EVC2: variants seen among roughly 807,000 people sequenced by gnomAD.
EVC2 encodes limbin.
Under a neutral mutation model 149.3 loss-of-function variants are expected in EVC2, and 148 were observed. The ratio of observed to expected loss-of-function variants is 0.99; its 90% CI spans 0.87 to 1.14. EVC2 has a LOEUF of 1.14. Among genes scored for constraint, EVC2 ranks in the 50% most tolerant of loss-of-function variants. The pLI, the probability that EVC2 is intolerant of heterozygous loss-of-function variation, is 0.00. For synonymous variants in EVC2, 776 were observed against 649.9 expected (o/e 1.19, Z -2.95); for missense variants, 1,854 against 1,627.3 (o/e 1.14, Z -2.40).
At chr4:5,532,072 G>A in the EVC2 span, among the ~76,000 whole-genome samples, 1 of 152,092 alleles carries the variant, frequency 6.6e-6, no homozygotes, top group Non-Finnish European at 1.5e-5. Flanking sequence ...TTGATCTGCA[G>A]TTGGTTGAAT....
At chr4:5,584,950 G>A in intron 16 of EVC2, 100 bp from the exon 17 acceptor site, 1 of 1,302,414 alleles carries the variant, frequency 7.7e-7, no homozygotes, top group Non-Finnish European at 1.1e-6. Context: ...CTGGGATTCT[G>A]AGGACCACCA....
At chr4:5,599,022 T>C (rs1424395805) in intron 16 of EVC2, among the ~76,000 whole-genome samples, 2 of 151,958 alleles carry the variant, frequency 1.3e-5, no homozygotes, top group East Asian at 1.9e-4. Flanking sequence ...CAAAATGAGA[T>C]ACCATCTCAC....
In EVC2 at chr4:5,594,029, C is replaced by T. The variant is rs552408593; in HGVS notation, c.2830-9179G>A. Among the ~76,000 whole-genome samples, 437 of 152,318 alleles carry T rather than the reference C, an allele frequency of 2.9e-3. 3 individuals are homozygous for T. Among genetic ancestry groups the T allele is most frequent in the African/African-American group, 0.01 (427 of 41,582 alleles). On this transcript the variant is annotated intron_variant, in intron 16 of 21. Transcript: ENST00000344408. ...AGCGAGGCTGGGGGAGGGGTGCCCGCCATTGCCCAGGCTTGCTTAGGTAAA... is the reference window on the plus strand; with the variant it reads ...AGCGAGGCTGGGGGAGGGGTGCCCGTCATTGCCCAGGCTTGCTTAGGTAAA...
At position 5,622,131 on chromosome 4, in the gene EVC2, C is replaced by T. The variant is rs1715731125; in HGVS notation, c.2501+406G>A. On this transcript the variant is annotated intron_variant, in intron 14 of 21. Coordinates refer to ENST00000344408, the MANE Select transcript of EVC2 (RefSeq NM_147127.5). This position sits in a 1 kb window ranked among gnomAD's most constrained non-coding sequence, Gnocchi z 5.8. ...ATGGCCTAACCGCAAGCTCCCCTTCCCCCTCTGCTCCTGTGGATCATGTCC... is the reference window on the plus strand; with the variant it reads ...ATGGCCTAACCGCAAGCTCCCCTTCTCCCTCTGCTCCTGTGGATCATGTCC... Among the ~76,000 whole-genome samples the T allele has an allele frequency of 6.6e-6, 1 of 152,072 alleles. No homozygotes were observed. The highest frequency in any genetic ancestry group is 2.4e-5 in the African/African-American group (1 of 41,416).
chr4:5,533,374 C>T, the EVC2 span, among the ~76,000 whole-genome samples: 1 of 152,118 alleles, frequency 6.6e-6, no homozygotes, highest in African/African-American at 2.4e-5. Flanking sequence ...GCTCAAGGAA[C>T]AGCAAGGGCA....
chr4:5,551,694 G>A (rs1268618717), intron 21 of EVC2, among the ~76,000 whole-genome samples: 1 of 152,146 alleles, frequency 6.6e-6, no homozygotes, highest in Non-Finnish European at 1.5e-5. Flanking sequence ...GGGGCCAGGG[G>A]AATGATTATG....
At chr4:5,664,982 A>G (rs1164737926) in intron 8 of EVC2, among the ~76,000 whole-genome samples, 5 of 143,688 alleles carry the variant, frequency 3.5e-5, no homozygotes, top group African/African-American at 1.3e-4. Context: ...TGTGGGTGAC[A>G]GGATGCATGT....
At chr4:5,550,253 G>A (rs1721711019) in intron 21 of EVC2, among the ~76,000 whole-genome samples, 1 of 152,168 alleles carries the variant, frequency 6.6e-6, no homozygotes, top group Non-Finnish European at 1.5e-5. Flanking sequence ...GGAAAATGTG[G>A]GAAAGTTTGG....
At position 5,679,176 on chromosome 4, in the gene EVC2, G is replaced by T. The variant is rs938639311; in HGVS notation, c.870+2084C>A. Among the ~76,000 whole-genome samples the T allele has an allele frequency of 2.0e-5, 3 of 152,014 alleles. No homozygotes were observed. Among genetic ancestry groups the T allele is most frequent in the African/African-American group, 4.8e-5 (2 of 41,392 alleles). ...GTGAGTGGTGAGTGAATGTGAAGGC[G>T]TAGGGTATGACTGTACACGACTATA... On this transcript the variant is annotated intron_variant, in intron 7 of 21. Transcript: ENST00000344408. The surrounding 1 kb of genome is among the most constrained non-coding windows in gnomAD (Gnocchi z 5.1).
intron 8 of EVC2, 132 bp downstream of exon 8, chr4:5,665,383 C>T (rs1719198463): frequency 2.9e-6 from 4 of 1,390,154 alleles, no homozygotes; most frequent in Non-Finnish European, 4.0e-6. Context: ...GAGGTGGGCC[C>T]TGGGCATGGG....
intron 16 of EVC2, among the ~76,000 whole-genome samples, chr4:5,586,385 G>C (rs1272445960): frequency 1.3e-5 from 2 of 151,944 alleles, no homozygotes; most frequent in African/African-American, 4.8e-5. Context: ...TGGAGTACAA[G>C]AACCAAAAAT....
intron 21 of EVC2, among the ~76,000 whole-genome samples, chr4:5,546,975 C>A (rs1721633989): frequency 6.6e-6 from 1 of 152,194 alleles, no homozygotes. Context: ...GCCTTCTACT[C>A]CATGGAGCAG....
chr4:5,537,441 A>C, the EVC2 span, among the ~76,000 whole-genome samples: 1 of 152,204 alleles, frequency 6.6e-6, no homozygotes, highest in Non-Finnish European at 1.5e-5. Context: ...CACCAGCCAG[A>C]CTTGAAGACT....
intron 1 of EVC2, among the ~76,000 whole-genome samples, chr4:5,705,664 G>A (rs1475361494): frequency 6.6e-6 from 1 of 152,072 alleles, no homozygotes; most frequent in African/African-American, 2.4e-5. Context: ...GAAGGAGCTG[G>A]ATTCTCAAAT....
intron 9 of EVC2, among the ~76,000 whole-genome samples, chr4:5,656,381 T>C (rs948503290): frequency 8.5e-5 from 13 of 152,194 alleles, no homozygotes; most frequent in Admixed American, 2.6e-4. Context: ...TTCCTCATCC[T>C]CTTGAGATGT....
At chr4:5,675,916 C>T (rs1255937784) in intron 7 of EVC2, among the ~76,000 whole-genome samples, 1 of 152,166 alleles carries the variant, frequency 6.6e-6, no homozygotes, top group African/African-American at 2.4e-5. Flanking sequence ...TGCACTTCAG[C>T]CTGGGCAACA....
intron 1 of EVC2, among the ~76,000 whole-genome samples, chr4:5,702,920 G>C (rs946603922): frequency 6.6e-6 from 1 of 152,128 alleles, no homozygotes; most frequent in South Asian, 2.1e-4. Flanking sequence ...GATTAAACCA[G>C]AAAATAAATG....
intron 14 of EVC2, among the ~76,000 whole-genome samples, chr4:5,620,435 G>A (rs1715605286): frequency 6.6e-6 from 1 of 152,282 alleles, no homozygotes; most frequent in East Asian, 1.9e-4. Context: ...TCCGAAAGAA[G>A]GCTCAAAGAC....
intron 16 of EVC2, among the ~76,000 whole-genome samples, chr4:5,585,589 C>T (rs922344882): frequency 1.3e-5 from 2 of 152,062 alleles, no homozygotes; most frequent in African/African-American, 4.8e-5. Flanking sequence ...GTTTTTTTAA[C>T]AAAACAGCTT....
Sources: allele counts gnomAD v4.1 joint callset (sites outside exome capture counted in the v4.1 genomes callset), GRCh38; gene constraint gnomAD v4.1.1; non-coding constraint Gnocchi (gnomAD v3.1); transcripts MANE v1.5; gene names NCBI Gene and HGNC (gene_info 2026-07-23, HGNC 2026-07-21).